ZCCHC8: variants seen among roughly 807,000 people sequenced by gnomAD.
The protein encoded by ZCCHC8 is zinc finger CCHC-type containing 8, also known as zinc finger CCHC domain-containing protein 8.
Under a neutral mutation model 70.6 loss-of-function variants are expected in ZCCHC8, and 27 were observed. The ratio of observed to expected loss-of-function variants is 0.38; its 90% CI spans 0.28 to 0.53. ZCCHC8 has a LOEUF of 0.53. ZCCHC8 is among the 20% of genes least tolerant of loss of function. The pLI, the probability that ZCCHC8 is intolerant of heterozygous loss-of-function variation, is 0.81. For missense variants in ZCCHC8, 737 were observed against 876.9 expected (o/e 0.84, Z 2.01); for synonymous variants, 293 against 317.4 (o/e 0.92, Z 0.82).
intron 13 of ZCCHC8, among the ~76,000 whole-genome samples, chr12:122,477,348 G>T (rs2137324713): frequency 6.6e-6 from 1 of 150,572 alleles, no homozygotes; most frequent in Non-Finnish European, 1.5e-5. Context: ...TAGAGACAGG[G>T]TTTCACCATG....
rs767541656 is a variant in ZCCHC8 at position 122,473,666 on chromosome 12, G to A, written c.1955C>T (p.Thr652Met). ...TATAGGGCTATGAATTTTAGTGGCC[G>A]TTGAAGGACTGGTGTCTGCAGGAAA... ...KLFPADTSPS[T>M]ATKIHSPIPD... The change falls in exon 14 of 14, where the codon ACG (threonine) becomes ATG (methionine). Residue 652 changes from threonine to methionine, a missense_variant. Thr to Met is a moderately conservative substitution (Grantham distance 81). Transcript: ENST00000633063. 8.7e-6 allele frequency: 14 copies of A among 1,613,844 alleles called. No individual in the cohort carries two copies. The highest frequency in any genetic ancestry group is 1.6e-4 in the Middle Eastern group (1 of 6,084).
intron 11 of ZCCHC8, chr12:122,478,559 G>A (rs2137328036): frequency 5.8e-6 from 2 of 346,838 alleles, no homozygotes; most frequent in Non-Finnish European, 1.1e-5. Flanking sequence ...GAAGATGTAG[G>A]CAGGAGTGAC....
rs1262697678 is a variant in ZCCHC8, at chr12:122,473,588, A to G, written c.2033T>C (p.Met678Thr). 1 of 1,613,994 alleles carries G rather than the reference A, an allele frequency of 6.2e-7. No individual in the cohort carries two copies. ...TGITPFEFEN[M>T]AESTGMYLRI... ...GAGGTACATTCCAGTAGATTCTGCC[A>G]TATTCTCAAATTCAAATGGCGTGAT... The change falls in exon 14 of 14, where the codon ATG becomes ACG. Residue 678 changes from methionine (M) to threonine (T), a missense_variant. By Grantham distance (81) the Met-to-Thr change is moderately conservative (BLOSUM62 -1). Coordinates refer to ENST00000633063, the MANE Select transcript of ZCCHC8 (RefSeq NM_017612.5).
rs759021454 is a variant in ZCCHC8 at position 122,474,019 on chromosome 12, G to A, written c.1602C>T (p.Ala534=). 1.5e-5 allele frequency: 24 copies of A among 1,552,696 alleles called. No individual in the cohort carries two copies. In the Admixed American group the frequency reaches 1.8e-4, roughly 12 times the overall value. The stretch of plus-strand genomic sequence containing the variant: ...CGTCGGAGTCGCTGTTTACGCTCTC[G>A]GCCTGCTCAAGAGCTGCCCAGATCC... The part of the protein sequence containing the change: ...QRRIWAALEQ[A]ESVNSDSDVP... The change falls in exon 14 of 14, where the codon GCC becomes GCT. Residue 534 remains alanine, a synonymous_variant. Coordinates refer to ENST00000633063, the MANE Select transcript of ZCCHC8 (RefSeq NM_017612.5).
At chr12:122,492,876 T>A (rs1376589984) in intron 2 of ZCCHC8, 87 bp from the exon 3 acceptor site, 6 of 954,146 alleles carry the variant, frequency 6.3e-6, no homozygotes, top group Non-Finnish European at 9.6e-6. Context: ...TTATACTTTT[T>A]TTTTCCTTTT....
rs146362637 is a variant in ZCCHC8 at position 122,476,900 on chromosome 12, T to C, written c.1345+941A>G. Among the ~76,000 whole-genome samples the C allele has an allele frequency of 3.9e-3, 597 of 151,532 alleles. 5 individuals carry two copies. Among genetic ancestry groups the C allele is most frequent in the African/African-American group, 8.5e-3 (352 of 41,400 alleles). On this transcript the variant is annotated intron_variant, in intron 13 of 13. Coordinates refer to ENST00000633063, the MANE Select transcript of ZCCHC8 (RefSeq NM_017612.5). Reference sequence around the variant, plus strand: ...AGCCAGGCGTGGTGGCGGGCACCTGTAATCCCAGCTACTTGGGAGGCTGAG... The same window carrying C: ...AGCCAGGCGTGGTGGCGGGCACCTGCAATCCCAGCTACTTGGGAGGCTGAG...
chr12:122,474,776 C>A (rs527491934), intron 13 of ZCCHC8, among the ~76,000 whole-genome samples: 1 of 111,310 alleles, frequency 9.0e-6, no homozygotes, highest in African/African-American at 2.7e-5. Context: ...ACTCTGCCAC[C>A]CAGGCTGGAG....
intron 5 of ZCCHC8, among the ~76,000 whole-genome samples, chr12:122,485,011 G>C (rs1172664471): frequency 6.6e-6 from 1 of 152,112 alleles, no homozygotes; most frequent in Non-Finnish European, 1.5e-5. Context: ...GAGTGCCCTA[G>C]GTCTCAGTCC....
rs1423745375 is a variant in ZCCHC8 at position 122,472,199 on chromosome 12, A to G, written c.*1298T>C. The G allele has an allele frequency of 1.4e-5, 2 of 143,702 alleles. No homozygotes were observed. Among genetic ancestry groups the G allele is most frequent in the African/African-American group, 5.2e-5 (2 of 38,584 alleles). The allele number at this position is 143,702 out of a possible 1,614,324, so 8.9% of individuals were successfully genotyped here. Reference sequence around the variant, plus strand: ...TGTTTTGCTACCACTGATTTTTACAATTTACCTTTTTTTTTTTTTTTTTTT... The same window carrying G: ...TGTTTTGCTACCACTGATTTTTACAGTTTACCTTTTTTTTTTTTTTTTTTT... On this transcript the variant is annotated 3_prime_UTR_variant, in exon 14 of 14. Transcript: ENST00000633063.
At chr12:122,493,021 C>G (rs1273017270) in intron 2 of ZCCHC8, among the ~76,000 whole-genome samples, 1 of 152,020 alleles carries the variant, frequency 6.6e-6, no homozygotes, top group Admixed American at 6.6e-5. Flanking sequence ...GTGCATACCA[C>G]CACATCCAGC....
At chr12:122,489,809 T>C (rs993235459) in intron 4 of ZCCHC8, among the ~76,000 whole-genome samples, 2 of 152,178 alleles carry the variant, frequency 1.3e-5, no homozygotes, top group African/African-American at 2.4e-5. Flanking sequence ...ATATTCAGTA[T>C]GAATTTTATT....
chr12:122,476,021 C>T (rs1056680917), intron 13 of ZCCHC8, among the ~76,000 whole-genome samples: 1 of 152,188 alleles, frequency 6.6e-6, no homozygotes, highest in Admixed American at 6.5e-5. Flanking sequence ...CAAAGTTACC[C>T]TATGACTTCA....
In ZCCHC8 at chr12:122,488,803, G is replaced by A. The variant is rs530891493; in HGVS notation, c.501+583C>T. ...GGAGAATTGCTTGAACCCGGGAGGC[G>A]GAGGTTGCAGTGAGCCGAGATTGCA... On this transcript the variant is annotated intron_variant, in intron 5 of 13. Coordinates refer to ENST00000633063, the MANE Select transcript of ZCCHC8 (RefSeq NM_017612.5). Among the ~76,000 whole-genome samples, 17 of 151,564 alleles carry A rather than the reference G, an allele frequency of 1.1e-4. 1 individual carries two copies. The South Asian group carries it at 2.1e-3, about 19-fold the overall frequency.
chr12:122,478,910 G>C (rs796247279), intron 11 of ZCCHC8, among the ~76,000 whole-genome samples: 1 of 152,086 alleles, frequency 6.6e-6, no homozygotes, highest in Non-Finnish European at 1.5e-5. Context: ...CTGGAAGCTG[G>C]ACTGGCTTCC....
intron 13 of ZCCHC8, among the ~76,000 whole-genome samples, chr12:122,476,462 C>CA (rs1199912995): frequency 6.6e-6 from 1 of 151,952 alleles, no homozygotes; most frequent in East Asian, 1.9e-4. Flanking sequence ...GGTTTGGTGG[C>CA]ATATGCCTAT....
In ZCCHC8 at chr12:122,483,712, G is replaced by C; in HGVS notation, c.502-149C>G. On this transcript the variant is annotated intron_variant, in intron 5 of 13. Transcript: ENST00000633063. This position sits in a 1 kb window ranked among gnomAD's most constrained non-coding sequence, Gnocchi z 4.4. ...CCTTGTTATTAAGGAGCCAGACTTT[G>C]ATGTGTAAGTAGAAACTACATCGTC... 1.5e-6 allele frequency: 1 copy of C among 675,412 alleles called. No homozygotes were observed. The highest frequency in any genetic ancestry group is 2.0e-5 in the South Asian group (1 of 49,716). 41.8% of individuals were successfully genotyped at this position (675,412 alleles called of 1,614,324 possible). A position where few individuals can be genotyped will look rare whatever the true frequency, so the allele number is the denominator to read the frequency against.
intron 9 of ZCCHC8, 28 bp from the exon 10 acceptor site, chr12:122,481,692 A>G: frequency 6.2e-7 from 1 of 1,604,602 alleles, no homozygotes; most frequent in Non-Finnish European, 8.5e-7. Context: ...AGGAAGAAAA[A>G]TACTGAATTC....
chr12:122,483,107 G>T lies in ZCCHC8; in HGVS notation c.671+172C>A. 1.5e-6 allele frequency: 1 copy of T among 647,976 alleles called. No individual in the cohort carries two copies. The highest frequency in any genetic ancestry group is 2.6e-6 in the Non-Finnish European group (1 of 386,034). 40.1% of individuals were successfully genotyped at this position (647,976 alleles called of 1,614,324 possible). A position where few individuals can be genotyped will look rare whatever the true frequency, so the allele number is the denominator to read the frequency against. On this transcript the variant is annotated intron_variant, in intron 7 of 13. Transcript: ENST00000633063. The surrounding 1 kb of genome is among the most constrained non-coding windows in gnomAD (Gnocchi z 4.4). The stretch of plus-strand genomic sequence containing the variant: ...GGTGAGAACCAATGAATTCCAGGAA[G>T]CAGATGATTCATTTAAACATTTAAC...
chr12:122,476,866 T>C (rs753431002), intron 13 of ZCCHC8, among the ~76,000 whole-genome samples: 1 of 151,180 alleles, frequency 6.6e-6, no homozygotes, highest in African/African-American at 2.4e-5. Flanking sequence ...CTACTAAAAA[T>C]ACAAAATTAG....
Sources: allele counts gnomAD v4.1 joint callset (sites outside exome capture counted in the v4.1 genomes callset), GRCh38; gene constraint gnomAD v4.1.1; non-coding constraint Gnocchi (gnomAD v3.1); transcripts MANE v1.5; gene names NCBI Gene and HGNC (gene_info 2026-07-23, HGNC 2026-07-21).